Variants in SLC6A5 observed in about 807,000 individuals in gnomAD.
SLC6A5 encodes solute carrier family 6 member 5, also known as sodium- and chloride-dependent glycine transporter 2.
In SLC6A5, 58 loss-of-function variants were observed where a neutral mutation model predicts 90.5. That is an observed-to-expected ratio of 0.64 (90% CI 0.52 to 0.80). The LOEUF (loss-of-function observed/expected upper bound fraction) is 0.80. Ranked by LOEUF, SLC6A5 falls within the 30% of genes least tolerant of loss-of-function variation. The pLI is 0.00. For synonymous variants in SLC6A5, 427 were observed against 401.4 expected, an observed-to-expected ratio of 1.06 and a Z score of -0.76; for missense variants, 1,015 against 1,017.6, an observed-to-expected ratio of 1.00 and a Z score of 0.03.
rs751834575 is a variant in SLC6A5, at chr11:20,601,260, C to CCCG, written c.144_146dup (p.Pro49dup). 7.6e-6 allele frequency: 12 copies of CCCG among 1,583,986 alleles called. No individual in the cohort carries two copies. Among genetic ancestry groups the CCCG allele is most frequent in the Non-Finnish European group, 1.0e-5 (12 of 1,172,506 alleles). Reference sequence around the variant, plus strand: ...AGCAGGAGCTTCCCGCGGCTGCCGCCCCGCCGCCGCCACGTGTGCCCAGGT... The same window carrying CCCG: ...AGCAGGAGCTTCCCGCGGCTGCCGCCCCGCCGCCGCCGCCACGTGTGCCCAGGT... On this transcript the variant is annotated inframe_insertion, in exon 2 of 16. Transcript: ENST00000525748.
At chr11:20,605,884 C>A (rs1458394728) in intron 3 of SLC6A5, among the ~76,000 whole-genome samples, 2 of 152,226 alleles carry the variant, frequency 1.3e-5, no homozygotes, top group South Asian at 4.1e-4. Context: ...AGCAGGACCC[C>A]GGTTTTACTG....
In SLC6A5 at chr11:20,653,732, T is replaced by C. The variant is rs187722819; in HGVS notation, c.2239-981T>C. On this transcript the variant is annotated intron_variant, in intron 15 of 15. Coordinates refer to ENST00000525748, the MANE Select transcript of SLC6A5 (RefSeq NM_004211.5). Reference sequence around the variant, plus strand: ...TAAATGAGGTAAGTGACTGGCCCCATGGGCTTCCAGAGATGGTTCACTTCT... The same window carrying C: ...TAAATGAGGTAAGTGACTGGCCCCACGGGCTTCCAGAGATGGTTCACTTCT... Among the ~76,000 whole-genome samples the C allele has an allele frequency of 2.9e-3, 438 of 152,376 alleles. 1 individual carries two copies. The highest frequency in any genetic ancestry group is 0.01 in the African/African-American group (422 of 41,602).
At chr11:20,654,649 G>T (rs867169365) in intron 15 of SLC6A5, 64 bp from the exon 16 acceptor site, 1 of 1,545,074 alleles carries the variant, frequency 6.5e-7, no homozygotes, top group Middle Eastern at 1.9e-4. Context: ...GGATGAGTGG[G>T]TCGTCCCCAG....
intron 13 of SLC6A5, among the ~76,000 whole-genome samples, chr11:20,644,552 G>T (rs1382820026): frequency 6.6e-6 from 1 of 152,204 alleles, no homozygotes; most frequent in African/African-American, 2.4e-5. Context: ...TGGACATACT[G>T]ATGTCACATC....
chr11:20,629,158 T>C lies in SLC6A5; in HGVS notation c.1499+1075T>C, dbSNP rs561695681. ...ACCTCACATTTGAATCTAGGATGAC[T>C]GAAGGTAGACTGGGAAACCCTGGCT... is the stretch of plus-strand genomic sequence containing the variant. On this transcript the variant is annotated intron_variant, in intron 9 of 15. Coordinates refer to ENST00000525748, the MANE Select transcript of SLC6A5 (RefSeq NM_004211.5). 3.9e-5 allele frequency: 6 copies of C among 152,204 alleles called. No individual in the cohort carries two copies. The East Asian group carries it at 1.2e-3, about 29-fold the overall frequency. The allele number at this position is 152,204 out of a possible 1,614,324, so 9.4% of individuals were successfully genotyped here.
At chr11:20,633,632 G>A (rs1164039575) in intron 10 of SLC6A5, among the ~76,000 whole-genome samples, 1 of 152,214 alleles carries the variant, frequency 6.6e-6, no homozygotes, top group East Asian at 1.9e-4. Context: ...TTACTGAAAT[G>A]AAGAGCCCCT....
chr11:20,602,817 G>A (rs775262750), intron 2 of SLC6A5, among the ~76,000 whole-genome samples: 14 of 152,322 alleles, frequency 9.2e-5, no homozygotes, highest in South Asian at 2.1e-4. Flanking sequence ...GTCCACATCC[G>A]GAGTGTTTTT....
intron 13 of SLC6A5, among the ~76,000 whole-genome samples, chr11:20,639,687 T>TTC (rs1390485246): frequency 1.9e-4 from 29 of 152,076 alleles, no homozygotes; most frequent in Non-Finnish European, 3.8e-4. Flanking sequence ...TCTGGAAAAC[T>TTC]CATTAAAATA....
At position 20,636,365 on chromosome 11, in the gene SLC6A5, G is replaced by C. The variant is rs147215703; in HGVS notation, c.1683G>C (p.Pro561=). The change falls in exon 11 of 16, where the codon CCG becomes CCC. Residue 561 remains proline, a synonymous_variant. Transcript: ENST00000525748. ...PEALTRLPLS[P]FWAIIFFLML... is the part of the protein sequence containing the mutation. The stretch of plus-strand genomic sequence containing the variant: ...CCTTAACCAGGCTGCCTCTCTCTCC[G>C]TTCTGGGCCATCATCTTTTTCCTGA... The C allele has an allele frequency of 6.2e-6, 10 of 1,613,998 alleles. No homozygotes were observed. The South Asian group carries it at 1.1e-4, about 18-fold the overall frequency.
chr11:20,610,401 G>T (rs1271090867), intron 5 of SLC6A5, among the ~76,000 whole-genome samples: 3 of 152,238 alleles, frequency 2.0e-5, no homozygotes, highest in African/African-American at 7.2e-5. Flanking sequence ...GTGACCTTGT[G>T]CTGCTGCGGC....
At chr11:20,610,060 A>G (rs1464938687) in intron 5 of SLC6A5, among the ~76,000 whole-genome samples, 1 of 152,178 alleles carries the variant, frequency 6.6e-6, no homozygotes, top group Non-Finnish European at 1.5e-5. Context: ...GAATGGCTTC[A>G]TTTTCATTAC....
chr11:20,601,274 G>A lies in SLC6A5; in HGVS notation c.149G>A (p.Arg50His), dbSNP rs1445215942. ...GCGGCTGCCGCCCCGCCGCCGCCAC[G>A]TGTGCCCAGGTCCGCTTCCACCGGC... ...LPAAAAPPPPRVPRSASTGAQ... is the reference protein window; with the variant it reads ...LPAAAAPPPPHVPRSASTGAQ... Residue 50 changes from arginine to histidine, a missense_variant, in exon 2 of 16, where the codon CGT (arginine) becomes CAT (histidine). This residue lies in a region of SLC6A5 where 567 missense variants were observed against 507.3 expected (regional missense o/e 1.12). Transcript: ENST00000525748. The A allele has an allele frequency of 6.3e-7, 1 of 1,586,642 alleles. No individual in the cohort carries two copies. Among genetic ancestry groups the A allele is most frequent in the South Asian group, 1.1e-5 (1 of 89,046 alleles).
At chr11:20,641,710 T>C (rs887363202) in intron 13 of SLC6A5, among the ~76,000 whole-genome samples, 3 of 152,194 alleles carry the variant, frequency 2.0e-5, no homozygotes, top group African/African-American at 7.2e-5. Flanking sequence ...AGGCTTTAGC[T>C]CATTAATAAC....
chr11:20,607,141 G>C lies in SLC6A5; in HGVS notation c.811+3G>C. 1 of 1,611,744 alleles carries C rather than the reference G, an allele frequency of 6.2e-7. No individual in the cohort carries two copies. The highest frequency in any genetic ancestry group is 8.5e-7 in the Non-Finnish European group (1 of 1,178,928). ...GAAGGCCATCCCAGCTCTACAAGGTGAGTCCAGCCTGCCGCTCAGCCTCCT... is the reference window on the plus strand; with the variant it reads ...GAAGGCCATCCCAGCTCTACAAGGTCAGTCCAGCCTGCCGCTCAGCCTCCT... On this transcript the variant is annotated splice_donor_region_variant and intron_variant, in intron 4 of 15. Transcript: ENST00000525748.
At chr11:20,626,890 T>C (rs1440724327) in intron 8 of SLC6A5, 48 bp downstream of exon 8, 5 of 1,544,722 alleles carry the variant, frequency 3.2e-6, no homozygotes, top group Non-Finnish European at 4.5e-6. Context: ...AGTGGCCCTC[T>C]GGGAGGCTTG....
At chr11:20,603,310 G>T (rs1431852948) in intron 2 of SLC6A5, among the ~76,000 whole-genome samples, 3 of 152,190 alleles carry the variant, frequency 2.0e-5, no homozygotes, top group Non-Finnish European at 4.4e-5. Context: ...TTTATTTGGG[G>T]TGGTCTCCCC....
At position 20,657,084 on chromosome 11, in the gene SLC6A5, T is replaced by G. The variant is rs1239560776; in HGVS notation, c.*2216T>G. The G allele has an allele frequency of 1.3e-5, 2 of 152,166 alleles. No individual in the cohort carries two copies. 9.4% of individuals were successfully genotyped at this position (152,166 alleles called of 1,614,324 possible). A position where few individuals can be genotyped will look rare whatever the true frequency, so the allele number is the denominator to read the frequency against. On this transcript the variant is annotated 3_prime_UTR_variant, in exon 16 of 16. Coordinates refer to ENST00000525748, the MANE Select transcript of SLC6A5 (RefSeq NM_004211.5). ...TTCTCTCATGGGACTGGTATGTTTG[T>G]GTCAGGATGAATGGTTTTTGGCTCT...
At chr11:20,646,994 A>G (rs1242533720) in intron 14 of SLC6A5, 60 bp downstream of exon 14, 5 of 1,100,314 alleles carry the variant, frequency 4.5e-6, no homozygotes, top group Non-Finnish European at 7.0e-6. Flanking sequence ...GTGGTGTTTT[A>G]CATTTGAACA....
rs1042227301 is a variant in SLC6A5, at chr11:20,628,175, A to T, written c.1499+92A>T. ...CAGACACCTGAGGCCACATCCTCACATTTCATCTTAGGGAGAGCTAAAGAT... is the reference window on the plus strand; with the variant it reads ...CAGACACCTGAGGCCACATCCTCACTTTTCATCTTAGGGAGAGCTAAAGAT... On this transcript the variant is annotated intron_variant, in intron 9 of 15. Coordinates refer to ENST00000525748, the MANE Select transcript of SLC6A5 (RefSeq NM_004211.5). 23 of 1,053,470 alleles carry T rather than the reference A, an allele frequency of 2.2e-5. No homozygotes were observed. In the African/African-American group the frequency reaches 3.3e-4, roughly 15 times the overall value. 65.3% of individuals were successfully genotyped at this position (1,053,470 alleles called of 1,614,324 possible).
Sources: gnomAD v4.1 joint callset for allele counts (sites outside exome capture counted in the v4.1 genomes callset) on GRCh38, gnomAD v4.1.1 for gene constraint, gnomAD v4.1.1 regional missense constraint, MANE v1.5 for transcripts, NCBI Gene and HGNC (gene_info 2026-07-23, HGNC 2026-07-21) for gene names.